Variants in CCSER2 observed in about 807,000 individuals in gnomAD.
CCSER2 encodes the protein coiled-coil serine rich protein 2.
Under a neutral mutation model 92.3 loss-of-function variants are expected in CCSER2, and 46 were observed. That is an observed-to-expected ratio of 0.50 (90% confidence interval 0.39 to 0.64). CCSER2 has a LOEUF of 0.64. Among genes scored for constraint, CCSER2 ranks in the 30% least tolerant of loss-of-function variants. The probability of loss-of-function intolerance (pLI) is 0.00; values close to 1 mark genes in which losing one functional copy is unlikely to be tolerated. For missense variants in CCSER2, 1,244 were observed against 1,238.9 expected (o/e 1.00, Z -0.06); for synonymous variants, 433 against 431.4 (o/e 1.00, Z -0.04).
At chr10:84,346,796 A>G (rs1205264557) in intron 1 of CCSER2, among the ~76,000 whole-genome samples, 2 of 141,712 alleles carry the variant, frequency 1.4e-5, no homozygotes, top group East Asian at 1.9e-4. Context: ...TTATTTGTTT[A>G]TTTTATTGAT....
intron 1 of CCSER2, among the ~76,000 whole-genome samples, chr10:84,347,530 G>A (rs1240106273): frequency 4.0e-5 from 6 of 151,220 alleles, no homozygotes; most frequent in Non-Finnish European, 8.9e-5. Flanking sequence ...CCTCCCGGAC[G>A]GGGCGGCTGG....
At chr10:84,505,236 A>G (rs760714179) in intron 9 of CCSER2, among the ~76,000 whole-genome samples, 2 of 152,018 alleles carry the variant, frequency 1.3e-5, no homozygotes, top group South Asian at 2.1e-4. Context: ...ATTTTTTTCT[A>G]TTGGGCATTA....
At chr10:84,478,929 G>C (rs1847305796) in intron 9 of CCSER2, among the ~76,000 whole-genome samples, 1 of 152,206 alleles carries the variant, frequency 6.6e-6, no homozygotes. Flanking sequence ...TCTGTTTGCA[G>C]ACAGTTGTTT....
intron 5 of CCSER2, among the ~76,000 whole-genome samples, chr10:84,431,624 C>T (rs978370595): frequency 3.9e-5 from 6 of 152,020 alleles, no homozygotes; most frequent in African/African-American, 1.4e-4. Context: ...TGTCTATAGT[C>T]CCATCTACTT....
At chr10:84,350,145 C>T (rs1408156246) in intron 1 of CCSER2, among the ~76,000 whole-genome samples, 2 of 152,082 alleles carry the variant, frequency 1.3e-5, no homozygotes, top group African/African-American at 2.4e-5. Context: ...AGCGAGATTC[C>T]GTCTCCAAAA....
chr10:84,392,157 C>T (rs113902355), intron 3 of CCSER2: 29 of 565,596 alleles, frequency 5.1e-5, no homozygotes, highest in Middle Eastern at 5.1e-4. Context: ...AAGGGTAAAC[C>T]GGTAGGGAAT....
intron 9 of CCSER2, among the ~76,000 whole-genome samples, chr10:84,504,895 C>G (rs1243397581): frequency 5.3e-5 from 8 of 151,910 alleles, no homozygotes; most frequent in Non-Finnish European, 1.2e-4. Context: ...GTGAACAAAC[C>G]ATAATTAAAT....
At position 84,499,772 on chromosome 10, in the gene CCSER2, A is replaced by G. The variant is rs559324148; in HGVS notation, c.2326-13677A>G. 23 of 1,083,874 alleles carry G rather than the reference A, an allele frequency of 2.1e-5. No homozygotes were observed. The African/African-American group carries it at 2.6e-4, about 12-fold the overall frequency. 67.1% of individuals were successfully genotyped at this position (1,083,874 alleles called of 1,614,324 possible). A position where few individuals can be genotyped will look rare whatever the true frequency, so the allele number is the denominator to read the frequency against. On this transcript the variant is annotated intron_variant, in intron 9 of 9. Transcript: ENST00000372088. ...TGAAATCTGTCTTCTCGTTAACACTATTGCTCTGTGTTATTTAAAAGTAAA... is the reference window on the plus strand; with the variant it reads ...TGAAATCTGTCTTCTCGTTAACACTGTTGCTCTGTGTTATTTAAAAGTAAA...
At chr10:84,336,599 T>C (rs1419888738) in intron 1 of CCSER2, among the ~76,000 whole-genome samples, 2 of 152,270 alleles carry the variant, frequency 1.3e-5, no homozygotes, top group East Asian at 3.9e-4. Flanking sequence ...GCTTGACCTG[T>C]TCTAGGAGTG....
chr10:84,425,627 C>A, intron 4 of CCSER2, 104 bp from the exon 5 acceptor site: 1 of 719,548 alleles, frequency 1.4e-6, no homozygotes, highest in South Asian at 4.8e-5. Context: ...TATTTTTAAA[C>A]TATTATTTTT....
intron 1 of CCSER2, among the ~76,000 whole-genome samples, chr10:84,364,736 A>ATTTT (rs754215030): frequency 7.9e-5 from 9 of 114,602 alleles, no homozygotes; most frequent in Admixed American, 2.2e-4. Context: ...GTATTTTTGA[A>ATTTT]TTTTTTTTTG....
chr10:84,333,248 TG>T (rs1843672890), intron 1 of CCSER2, among the ~76,000 whole-genome samples: 1 of 152,202 alleles, frequency 6.6e-6, no homozygotes, highest in African/African-American at 2.4e-5. Flanking sequence ...CTGCTCCCAC[TG>T]GGGAGCAGGT....
intron 2 of CCSER2, among the ~76,000 whole-genome samples, chr10:84,373,386 A>C (rs1846169145): frequency 6.6e-6 from 1 of 152,160 alleles, no homozygotes. Context: ...ACAGAAGTGA[A>C]AGATGACTAA....
intron 1 of CCSER2, among the ~76,000 whole-genome samples, chr10:84,366,170 C>T (rs1211948963): frequency 6.6e-6 from 1 of 152,076 alleles, no homozygotes; most frequent in Non-Finnish European, 1.5e-5. Context: ...CCTTCAACTC[C>T]TGAGCTCAAG....
intron 1 of CCSER2, among the ~76,000 whole-genome samples, chr10:84,356,515 T>C (rs932626346): frequency 1.3e-5 from 2 of 152,214 alleles, no homozygotes; most frequent in Admixed American, 6.5e-5. Flanking sequence ...CTATTTCTTT[T>C]GTAATTTAGT....
At chr10:84,406,840 A>G (rs6585858) in intron 3 of CCSER2, among the ~76,000 whole-genome samples, 31,965 of 152,176 alleles carry the variant, frequency 0.21, 3,606 homozygotes, top group Admixed American at 0.34. Flanking sequence ...GTAAAAATGC[A>G]GTTTCTACCC....
chr10:84,412,099 G>A (rs1251223337), intron 3 of CCSER2, among the ~76,000 whole-genome samples: 1 of 152,118 alleles, frequency 6.6e-6, no homozygotes. Context: ...TTGTTTATGT[G>A]ATAAATCACA....
In CCSER2 at chr10:84,373,735, A is replaced by G. The variant is rs1371022132; in HGVS notation, c.1534A>G (p.Met512Val). The change falls in exon 3 of 10, where the codon ATG becomes GTG. Residue 512 changes from methionine (M) to valine (V), a missense_variant. Met to Val is a conservative substitution (Grantham distance 21, BLOSUM62 1). Transcript: ENST00000372088. ...SPSDSSDGTY[M>V]WDEEGLEPIG... ...ATCTGATAGCTCTGATGGAACATAC[A>G]TGTGGGATGAAGAAGGCTTGGAACC... 3 of 1,613,666 alleles carry G rather than the reference A, an allele frequency of 1.9e-6. No homozygotes were observed. Among genetic ancestry groups the G allele is most frequent in the East Asian group, 4.5e-5 (2 of 44,860 alleles).
At position 84,514,436 on chromosome 10, in the gene CCSER2, G is replaced by C. The variant is rs1014923189; in HGVS notation, c.*169G>C. ...GTTTGGCTCCTTCATTTTATATCCT[G>C]GTTGAAGTACATGCCATTTGAGCAT... On this transcript the variant is annotated 3_prime_UTR_variant, in exon 10 of 10. Coordinates refer to ENST00000372088, the MANE Select transcript of CCSER2 (RefSeq NM_001284240.2). The C allele has an allele frequency of 5.1e-6, 3 of 591,332 alleles. No homozygotes were observed. The African/African-American group carries it at 5.6e-5, about 11-fold the overall frequency. 36.6% of individuals were successfully genotyped at this position (591,332 alleles called of 1,614,324 possible).
Sources: allele counts gnomAD v4.1 joint callset (sites outside exome capture counted in the v4.1 genomes callset), GRCh38; gene constraint gnomAD v4.1.1; transcripts MANE v1.5; gene names NCBI Gene and HGNC (gene_info 2026-07-23, HGNC 2026-07-21).